Variants in SEMA6A observed in about 807,000 individuals in gnomAD.
SEMA6A encodes semaphorin 6A.
In SEMA6A, 25 loss-of-function variants were observed where a neutral mutation model predicts 96.8. That is an observed-to-expected ratio of 0.26 (90% CI 0.19 to 0.36). SEMA6A has a LOEUF of 0.36. SEMA6A is among the 10% of genes least tolerant of loss of function. The pLI, the probability that SEMA6A is intolerant of heterozygous loss-of-function variation, is 1.00. For missense variants in SEMA6A, 1,363 were observed against 1,323.1 expected, an observed-to-expected ratio of 1.03 and a Z score of -0.47; for synonymous variants, 612 against 518.0, an observed-to-expected ratio of 1.18 and a Z score of -2.46.
chr5:116,549,989 T>C (rs942394248), intron 1 of SEMA6A: 2 of 152,162 alleles, frequency 1.3e-5, no homozygotes, highest in African/African-American at 4.8e-5. Flanking sequence ...TAAATGATCA[T>C]GTTTGAGTCA....
intron 11 of SEMA6A, among the ~76,000 whole-genome samples, chr5:116,481,483 C>T (rs1756767292): frequency 6.6e-6 from 1 of 152,128 alleles, no homozygotes; most frequent in Non-Finnish European, 1.5e-5. Context: ...AGTTTCTCCT[C>T]TGGGTTTAAG....
chr5:116,502,754 A>G, intron 2 of SEMA6A: 1 of 169,454 alleles, frequency 5.9e-6, no homozygotes, highest in Non-Finnish European at 1.3e-5. Flanking sequence ...ATCAATCACC[A>G]CAAATGCAAT....
chr5:116,518,934 AT>A (rs1163444590), intron 1 of SEMA6A, among the ~76,000 whole-genome samples: 3 of 152,284 alleles, frequency 2.0e-5, no homozygotes, highest in Admixed American at 2.0e-4. Context: ...CTAAGGCAGA[AT>A]GACTTTTTTC....
chr5:116,562,253 T>C (rs1292121920), intron 1 of SEMA6A, among the ~76,000 whole-genome samples: 3 of 152,220 alleles, frequency 2.0e-5, no homozygotes, highest in Non-Finnish European at 4.4e-5. Flanking sequence ...GTAAGTCTAA[T>C]TGTAAAAGCT....
chr5:116,476,389 A>G (rs1341749891), intron 15 of SEMA6A, among the ~76,000 whole-genome samples: 1 of 152,218 alleles, frequency 6.6e-6, no homozygotes, highest in Non-Finnish European at 1.5e-5. Context: ...TTCAGAGTTT[A>G]TTTATGAGCC....
At chr5:116,493,589 T>A (rs1364381950) in intron 6 of SEMA6A, among the ~76,000 whole-genome samples, 1 of 152,164 alleles carries the variant, frequency 6.6e-6, no homozygotes, top group Non-Finnish European at 1.5e-5. Flanking sequence ...CATGCCTCAC[T>A]TGCTCCACCC....
intron 6 of SEMA6A, among the ~76,000 whole-genome samples, chr5:116,494,949 A>C (rs901839171): frequency 7.2e-5 from 11 of 152,232 alleles, no homozygotes; most frequent in Non-Finnish European, 1.5e-4. Context: ...CGTGGTCAAG[A>C]AAGCTGAGTG....
intron 1 of SEMA6A, among the ~76,000 whole-genome samples, chr5:116,532,760 A>C (rs1326593529): frequency 6.6e-6 from 1 of 150,410 alleles, no homozygotes; most frequent in African/African-American, 2.4e-5. Flanking sequence ...ACTGGAAAAG[A>C]AAAAAAAAAG....
intron 16 of SEMA6A, among the ~76,000 whole-genome samples, chr5:116,474,278 G>GCACACACA (rs113731062): frequency 0.054 from 7,937 of 147,334 alleles, 232 homozygotes; most frequent in South Asian, 0.082. Context: ...GTGCACGCAT[G>GCACACACA]CACACACACA....
chr5:116,495,638 A>T (rs1162828855), intron 5 of SEMA6A, 124 bp from the exon 6 acceptor site: 6 of 636,798 alleles, frequency 9.4e-6, no homozygotes, highest in Non-Finnish European at 1.6e-5. Flanking sequence ...TCTCCCATTA[A>T]AAGTTCAAGT....
chr5:116,501,024 A>C (rs1232048447), intron 3 of SEMA6A, among the ~76,000 whole-genome samples: 1 of 152,134 alleles, frequency 6.6e-6, no homozygotes, highest in Non-Finnish European at 1.5e-5. Context: ...AAAAAAGCAT[A>C]ATCTTCATTT....
Position 116,446,543 on chromosome 5 carries a change from G to A in SEMA6A, c.*70C>T. ...TCTGGTGGGTACTCGAGGCAGTTGA[G>A]AACCTTGCTGAGCTGAGCGGGCACC... On this transcript the variant is annotated 3_prime_UTR_variant, in exon 19 of 19. Transcript: ENST00000343348. 1 of 1,333,848 alleles carries A rather than the reference G, an allele frequency of 7.5e-7. No individual in the cohort carries two copies. The highest frequency in any genetic ancestry group is 1.0e-6 in the Non-Finnish European group (1 of 996,566). The allele number at this position is 1,333,848 out of a possible 1,614,324, so 82.6% of individuals were successfully genotyped here.
In SEMA6A at chr5:116,447,391, C is replaced by T. The variant is rs764283270; in HGVS notation, c.2315G>A (p.Arg772His). Residue 772 changes from arginine to histidine, a missense_variant, in exon 19 of 19, where the codon CGC becomes CAC. Around this residue, in one of 2 missense-constraint regions of SEMA6A, gnomAD observed 883 missense variants for 763.6 expected, o/e 1.16. Coordinates refer to ENST00000343348, the MANE Select transcript of SEMA6A (RefSeq NM_020796.5). The part of the protein sequence containing the change: ...PTLQQKRKPS[R>H]GSREWERNQN... ...GTTCCTCTCCCACTCGCGGCTGCCG[C>T]GGCTGGGCTTCCGCTTCTGCTGCAG... The T allele has an allele frequency of 1.2e-6, 2 of 1,613,882 alleles. No homozygotes were observed. The highest frequency in any genetic ancestry group is 1.7e-6 in the Non-Finnish European group (2 of 1,179,898).
chr5:116,483,695 A>ATAT (rs1363857585), intron 10 of SEMA6A, among the ~76,000 whole-genome samples: 24 of 152,218 alleles, frequency 1.6e-4, no homozygotes, highest in Admixed American at 5.9e-4. Context: ...CTTATTTAAA[A>ATAT]TAAGGTGGCA....
chr5:116,513,512 C>T (rs549945034), intron 1 of SEMA6A, among the ~76,000 whole-genome samples: 1 of 152,204 alleles, frequency 6.6e-6, no homozygotes, highest in African/African-American at 2.4e-5. Flanking sequence ...GAAAACTCTA[C>T]TTACATGTAT....
chr5:116,505,618 T>C lies in SEMA6A; in HGVS notation c.-38-636A>G, dbSNP rs192956521. Among the ~76,000 whole-genome samples the C allele has an allele frequency of 2.9e-4, 44 of 152,324 alleles. No individual in the cohort carries two copies. The East Asian group carries it at 7.9e-3, about 27-fold the overall frequency. ...AAATCACACAATCTATAAAGAGAAG[T>C]AGGCAGATCCTTTCACACTCTGAAG... On this transcript the variant is annotated intron_variant, in intron 1 of 18. Transcript: ENST00000343348.
chr5:116,446,512 T>C lies in SEMA6A; in HGVS notation c.*101A>G. 2.9e-6 allele frequency: 3 copies of C among 1,035,708 alleles called. No individual in the cohort carries two copies. The highest frequency in any genetic ancestry group is 4.1e-6 in the Non-Finnish European group (3 of 740,496). The allele number at this position is 1,035,708 out of a possible 1,614,324, so 64.2% of individuals were successfully genotyped here. ...GCGTCCTCGGCTCTGCCGCAGGCCT[T>C]CTTGGTCTGGTGGGTACTCGAGGCA... On this transcript the variant is annotated 3_prime_UTR_variant, in exon 19 of 19. Transcript: ENST00000343348.
intron 1 of SEMA6A, chr5:116,562,659 T>C (rs1760866677): frequency 8.5e-6 from 6 of 705,816 alleles, no homozygotes; most frequent in East Asian, 3.0e-5. Flanking sequence ...CGCCATATCG[T>C]TGCACCCTTC....
intron 10 of SEMA6A, among the ~76,000 whole-genome samples, chr5:116,483,797 C>A (rs888381113): frequency 6.6e-6 from 1 of 152,152 alleles, no homozygotes; most frequent in African/African-American, 2.4e-5. Flanking sequence ...GGCGAAGTGG[C>A]TCACGCCTAT....
Sources: allele counts gnomAD v4.1 joint callset (sites outside exome capture counted in the v4.1 genomes callset), GRCh38; gene constraint gnomAD v4.1.1; regional missense constraint gnomAD v4.1.1; transcripts MANE v1.5; gene names NCBI Gene and HGNC (gene_info 2026-07-23, HGNC 2026-07-21).